The following CACNA1G variants were observed in gnomAD, a reference collection of about 807,000 sequenced individuals.
CACNA1G encodes the protein calcium voltage-gated channel subunit alpha1 G, also known as voltage-dependent T-type calcium channel subunit alpha-1G.
In CACNA1G, 67 loss-of-function variants were observed where a neutral mutation model predicts 219.4. The ratio of observed to expected loss-of-function variants is 0.31; its 90% CI spans 0.25 to 0.37. CACNA1G has a LOEUF of 0.37. CACNA1G is among the 10% of genes least tolerant of loss of function. The pLI is 1.00. For synonymous variants in CACNA1G, 1,296 were observed against 1,345.3 expected, an observed-to-expected ratio of 0.96 and a Z score of 0.80; for missense variants, 2,380 against 3,231.4, an observed-to-expected ratio of 0.74 and a Z score of 6.39.
chr17:50,624,241 G>A, intron 36 of CACNA1G, 119 bp from the exon 37 acceptor site: 1 of 1,251,292 alleles, frequency 8.0e-7, no homozygotes, highest in Non-Finnish European at 1.1e-6. Flanking sequence ...GGGGGTAAGG[G>A]TAGAGGCCCT....
rs980328217 is a variant in CACNA1G, at chr17:50,591,447, C to T, written c.2466C>T (p.Ile822=). The change falls in exon 11 of 38, where the codon ATC becomes ATT. Residue 822 remains isoleucine (I), a synonymous_variant. Transcript: ENST00000359106. The part of the protein sequence containing the change: ...GVIVVISVWE[I]VGQQGGGLSV... ...GCCCCCTTTGCAGCGTGTGGGAGATCGTGGGCCAGCAGGGGGGCGGCCTGT... is the reference window on the plus strand; with the variant it reads ...GCCCCCTTTGCAGCGTGTGGGAGATTGTGGGCCAGCAGGGGGGCGGCCTGT... The T allele has an allele frequency of 1.5e-5, 24 of 1,577,356 alleles. No individual in the cohort carries two copies. The highest frequency in any genetic ancestry group is 8.8e-5 in the Admixed American group (5 of 57,032).
chr17:50,600,746 C>T lies in CACNA1G; in HGVS notation c.3711C>T (p.Arg1237=), dbSNP rs186250346. 2.7e-4 allele frequency: 433 copies of T among 1,613,762 alleles called. No individual in the cohort carries two copies. In the African/African-American group the frequency reaches 4.0e-3, roughly 15 times the overall value. Residue 1237 remains arginine, a synonymous_variant, in exon 18 of 38, where the codon CGC becomes CGT. Coordinates refer to ENST00000359106, the MANE Select transcript of CACNA1G (RefSeq NM_018896.5). The surrounding 1 kb of genome is among the most constrained non-coding windows in gnomAD (Gnocchi z 4.1). ...TGCAGAGCAAAGGGGAACGGGTCCG[C>T]GCGTGGATCCGAGCCCGACTCCCTG... is the stretch of plus-strand genomic sequence containing the variant. The part of the protein sequence containing the change: ...EGNLSKGERV[R]AWIRARLPAC...
At chr17:50,569,935 A>T in intron 4 of CACNA1G, 132 bp downstream of exon 4, 1 of 660,954 alleles carries the variant, frequency 1.5e-6, no homozygotes. Context: ...CTCAGTGGGG[A>T]GCTGGGATTG....
chr17:50,623,872 T>A (rs1339562799), intron 35 of CACNA1G, 35 bp from the exon 36 acceptor site: 20 of 1,590,676 alleles, frequency 1.3e-5, no homozygotes, highest in Non-Finnish European at 1.5e-5. Flanking sequence ...ACGCACACCC[T>A]CTTCCTCCAC....
intron 13 of CACNA1G, among the ~76,000 whole-genome samples, chr17:50,592,469 T>C (rs368355752): frequency 6.6e-6 from 1 of 151,942 alleles, no homozygotes; most frequent in Non-Finnish European, 1.5e-5. Flanking sequence ...AGCCGAGGGG[T>C]GCAGGAGGCT....
chr17:50,582,433 A>G (rs2042152039), intron 9 of CACNA1G, among the ~76,000 whole-genome samples: 1 of 152,172 alleles, frequency 6.6e-6, no homozygotes, highest in Admixed American at 6.5e-5. Flanking sequence ...ACATGGGTTG[A>G]GAGGAGGCAG....
chr17:50,620,881 G>A (rs954679933), intron 34 of CACNA1G, among the ~76,000 whole-genome samples: 3 of 152,244 alleles, frequency 2.0e-5, no homozygotes, highest in Non-Finnish European at 4.4e-5. Flanking sequence ...TGTGGGAGAA[G>A]AGGACACGAT....
intron 1 of CACNA1G, 56 bp downstream of exon 1, chr17:50,561,757 C>T: frequency 4.3e-6 from 6 of 1,398,658 alleles, no homozygotes; most frequent in East Asian, 5.4e-5. Flanking sequence ...CGGGCCGCAC[C>T]GCCGGGGGTC....
rs1470282711 is a variant in CACNA1G, at chr17:50,603,303, G to A, written c.4169+104G>A. On this transcript the variant is annotated intron_variant, in intron 21 of 37. Coordinates refer to ENST00000359106, the MANE Select transcript of CACNA1G (RefSeq NM_018896.5). This position sits in a 1 kb window ranked among gnomAD's most constrained non-coding sequence, Gnocchi z 6.4. The stretch of plus-strand genomic sequence containing the variant: ...TGCCACGAAACAAAAGCCTGCACAG[G>A]CCAGCATCCTGTCTGTGACCCCCAC... 5 of 953,290 alleles carry A rather than the reference G, an allele frequency of 5.2e-6. No individual in the cohort carries two copies. Among genetic ancestry groups the A allele is most frequent in the Non-Finnish European group, 7.8e-6 (5 of 639,462 alleles). The allele number at this position is 953,290 out of a possible 1,614,324, so 59.1% of individuals were successfully genotyped here.
At position 50,567,424 on chromosome 17, in the gene CACNA1G, A is replaced by T. The variant is rs1437080806; in HGVS notation, c.243-1446A>T. ...TTGAGGGATTCATGGGCTATGGGGG[A>T]GGGCATGTGGCTTGGGAGTCAGAAC... is the stretch of plus-strand genomic sequence containing the variant. On this transcript the variant is annotated intron_variant, in intron 1 of 37. Coordinates refer to ENST00000359106, the MANE Select transcript of CACNA1G (RefSeq NM_018896.5). Among the ~76,000 whole-genome samples the T allele has an allele frequency of 5.3e-5, 8 of 151,904 alleles. No individual in the cohort carries two copies. In the East Asian group the frequency reaches 1.5e-3, roughly 29 times the overall value.
Position 50,591,931 on chromosome 17 carries a change from C to A in CACNA1G, c.2755-6C>A. 10 of 1,613,932 alleles carry A rather than the reference C, an allele frequency of 6.2e-6. No individual in the cohort carries two copies. The highest frequency in any genetic ancestry group is 8.5e-6 in the Non-Finnish European group (10 of 1,179,844). On this transcript the variant is annotated splice_region_variant and splice_polypyrimidine_tract_variant and intron_variant, in intron 12 of 37. Coordinates refer to ENST00000359106, the MANE Select transcript of CACNA1G (RefSeq NM_018896.5). ...ATAGGCCCTGATTCCTGTCTTCTGC[C>A]CGCAGATCCTGACCCAGGAGGACTG...
rs370928124 is a variant in CACNA1G, at chr17:50,576,037, C to T, written c.1635C>T (p.Ala545=). The T allele has an allele frequency of 1.9e-6, 3 of 1,571,814 alleles. No homozygotes were observed. Among genetic ancestry groups the T allele is most frequent in the Non-Finnish European group, 2.6e-6 (3 of 1,159,612 alleles). Reference sequence around the variant, plus strand: ...CCTCGACGCCTGCCCTCTCCGGGGCCCCCCCTGGTGGCGCAGAGTCTGTGC... The same window carrying T: ...CCTCGACGCCTGCCCTCTCCGGGGCTCCCCCTGGTGGCGCAGAGTCTGTGC... ...PPPSTPALSG[A]PPGGAESVHS... Residue 545 remains alanine (A), a synonymous_variant, in exon 8 of 38, where the codon GCC becomes GCT. Coordinates refer to ENST00000359106, the MANE Select transcript of CACNA1G (RefSeq NM_018896.5).
rs777628114 is a variant in CACNA1G, at chr17:50,561,582, G to A, written c.123G>A (p.Pro41=). The change falls in exon 1 of 38, where the codon CCG becomes CCA. Residue 41 remains proline, a synonymous_variant. Coordinates refer to ENST00000359106, the MANE Select transcript of CACNA1G (RefSeq NM_018896.5). ...RPGPGSAEKD[P]GSADSEAEGL... ...GGCCGGGGTCAGCAGAAAAGGACCCGGGCAGCGCGGACTCCGAGGCGGAGG... is the reference window on the plus strand; with the variant it reads ...GGCCGGGGTCAGCAGAAAAGGACCCAGGCAGCGCGGACTCCGAGGCGGAGG... The A allele has an allele frequency of 1.9e-6, 3 of 1,561,574 alleles. No individual in the cohort carries two copies. The Admixed American group carries it at 5.7e-5, about 30-fold the overall frequency.
chr17:50,608,075 T>C (rs1305052154), intron 25 of CACNA1G, 56 bp downstream of exon 25: 2 of 1,519,812 alleles, frequency 1.3e-6, no homozygotes, highest in Non-Finnish European at 1.8e-6. Flanking sequence ...TGGGTCGTGC[T>C]TGACCTTGGC....
Position 50,621,204 on chromosome 17 carries a change from G to GC in CACNA1G, c.5926-450dup, listed in dbSNP as rs951211984. ...TCAGATTGGTGGCATTGTCGCCGGC[G>GC]CCCCCCGTGCCGCTCTGTCTGTGCC... is the stretch of plus-strand genomic sequence containing the variant. On this transcript the variant is annotated intron_variant, in intron 34 of 37. Coordinates refer to ENST00000359106, the MANE Select transcript of CACNA1G (RefSeq NM_018896.5). The surrounding 1 kb of genome is among the most constrained non-coding windows in gnomAD (Gnocchi z 4.6). Among the ~76,000 whole-genome samples the GC allele has an allele frequency of 1.3e-5, 2 of 152,062 alleles. No individual in the cohort carries two copies. Among genetic ancestry groups the GC allele is most frequent in the African/African-American group, 4.8e-5 (2 of 41,410 alleles).
chr17:50,563,882 T>G (rs563564929), intron 1 of CACNA1G: 59 of 152,320 alleles, frequency 3.9e-4, no homozygotes, highest in African/African-American at 1.3e-3. Context: ...CACCTGTATT[T>G]TTGCTGCCAG....
At chr17:50,604,417 G>A (rs571733613) in intron 22 of CACNA1G, 136 bp downstream of exon 22, 2 of 1,159,654 alleles carry the variant, frequency 1.7e-6, no homozygotes, top group East Asian at 2.4e-5. Flanking sequence ...CTTCCCTCCA[G>A]GCTCTAGGCC....
intron 16 of CACNA1G, among the ~76,000 whole-genome samples, chr17:50,599,101 G>T (rs2046115229): frequency 6.6e-6 from 1 of 152,158 alleles, no homozygotes; most frequent in Non-Finnish European, 1.5e-5. Flanking sequence ...TTTTGCTGTT[G>T]AGTTGTGTTT....
rs2040503856 is a variant in CACNA1G, at chr17:50,575,752, G to A, written c.1350G>A (p.Arg450=). The A allele has an allele frequency of 6.4e-7, 1 of 1,568,972 alleles. No homozygotes were observed. The highest frequency in any genetic ancestry group is 8.6e-7 in the Non-Finnish European group (1 of 1,157,318). Residue 450 remains arginine, a synonymous_variant, in exon 8 of 38, where the codon AGG becomes AGA. Coordinates refer to ENST00000359106, the MANE Select transcript of CACNA1G (RefSeq NM_018896.5). ...LVYILRKAAR[R]LAQVSRAAGV... is the part of the protein sequence containing the mutation. ...ACATCCTTCGTAAGGCAGCCCGCAG[G>A]CTGGCTCAGGTCTCTCGGGCAGCAG...
Sources: gnomAD v4.1 joint callset for allele counts (sites outside exome capture counted in the v4.1 genomes callset) on GRCh38, gnomAD v4.1.1 for gene constraint, Gnocchi (gnomAD v3.1) non-coding constraint, MANE v1.5 for transcripts, NCBI Gene and HGNC (gene_info 2026-07-23, HGNC 2026-07-21) for gene names.